SLC35F1: variants seen among roughly 807,000 people sequenced by gnomAD.
SLC35F1 encodes the protein chromosome 6 open reading frame 169.
In SLC35F1, 14 loss-of-function variants were observed where a neutral mutation model predicts 48.7. The observed-to-expected ratio is 0.29, with a 90% confidence interval of 0.19 to 0.45. The LOEUF (loss-of-function observed/expected upper bound fraction) is 0.45, where lower values mean the gene tolerates loss of function less well. Among genes scored for constraint, SLC35F1 ranks in the 20% least tolerant of loss-of-function variants. SLC35F1 has a pLI of 1.00. For missense variants in SLC35F1, 404 were observed against 500.0 expected, an observed-to-expected ratio of 0.81 and a Z score of 1.83; for synonymous variants, 190 against 202.2, an observed-to-expected ratio of 0.94 and a Z score of 0.51.
chr6:117,909,485 C>G (rs1775737311), intron 1 of SLC35F1, among the ~76,000 whole-genome samples: 1 of 151,884 alleles, frequency 6.6e-6, no homozygotes, highest in African/African-American at 2.4e-5. Flanking sequence ...ATCATAGAGC[C>G]CAGAAAAACA....
At chr6:118,216,817 C>T (rs1359162166) in intron 2 of SLC35F1, among the ~76,000 whole-genome samples, 1 of 152,110 alleles carries the variant, frequency 6.6e-6, no homozygotes, top group Non-Finnish European at 1.5e-5. Context: ...GGATATATTA[C>T]AGAACTTCAG....
intron 1 of SLC35F1, chr6:117,999,568 GAA>G (rs35917912): frequency 4.7e-3 from 1,991 of 427,030 alleles, no homozygotes; most frequent in South Asian, 0.013. Context: ...CCTGAGGCAG[GAA>G]AAAAAAAAAA....
At chr6:117,983,676 T>C (rs1399172100) in intron 1 of SLC35F1, among the ~76,000 whole-genome samples, 1 of 152,244 alleles carries the variant, frequency 6.6e-6, no homozygotes, top group Non-Finnish European at 1.5e-5. Context: ...CACAGAACTT[T>C]CCTCATTCTG....
At chr6:117,950,650 C>G (rs780631291) in intron 1 of SLC35F1, among the ~76,000 whole-genome samples, 1 of 152,140 alleles carries the variant, frequency 6.6e-6, no homozygotes, top group Non-Finnish European at 1.5e-5. Context: ...TCTTGGCACA[C>G]ATAGCCACAG....
intron 1 of SLC35F1, among the ~76,000 whole-genome samples, chr6:118,133,983 T>C (rs1402009101): frequency 3.3e-5 from 5 of 152,242 alleles, no homozygotes; most frequent in Non-Finnish European, 7.3e-5. Context: ...TACCTTGCTT[T>C]CTCAGACCAT....
chr6:118,135,240 C>G (rs764239611), intron 1 of SLC35F1, among the ~76,000 whole-genome samples: 1 of 152,170 alleles, frequency 6.6e-6, no homozygotes, highest in Non-Finnish European at 1.5e-5. Flanking sequence ...TCAATTTTGC[C>G]TCTTATTTGT....
chr6:118,014,319 G>T (rs1777291463), intron 1 of SLC35F1, among the ~76,000 whole-genome samples: 2 of 152,284 alleles, frequency 1.3e-5, no homozygotes, highest in African/African-American at 4.8e-5. Context: ...CTCTTCATGG[G>T]TTGGAGGCAT....
intron 1 of SLC35F1, among the ~76,000 whole-genome samples, chr6:117,946,254 T>A (rs1046483744): frequency 1.3e-5 from 2 of 152,184 alleles, no homozygotes; most frequent in Non-Finnish European, 2.9e-5. Flanking sequence ...CCCAAAAATA[T>A]GGATTTAAAA....
intron 1 of SLC35F1, among the ~76,000 whole-genome samples, chr6:117,973,367 G>A (rs1776667410): frequency 6.6e-6 from 1 of 152,014 alleles, no homozygotes; most frequent in Admixed American, 6.6e-5. Context: ...TGGATTTGGG[G>A]TTGTAAGGGG....
At chr6:117,936,895 C>T (rs1234299627) in intron 1 of SLC35F1, among the ~76,000 whole-genome samples, 1 of 152,110 alleles carries the variant, frequency 6.6e-6, no homozygotes, top group Non-Finnish European at 1.5e-5. Context: ...ATTATTGTTA[C>T]TGTTTTACTT....
intron 2 of SLC35F1, among the ~76,000 whole-genome samples, chr6:118,168,100 A>G (rs1774345478): frequency 6.6e-6 from 1 of 152,122 alleles, no homozygotes; most frequent in Non-Finnish European, 1.5e-5. Flanking sequence ...TTGCATTAAG[A>G]AGAGCAGCTT....
At chr6:118,204,206 A>G (rs553965296) in intron 2 of SLC35F1, among the ~76,000 whole-genome samples, 80 of 152,022 alleles carry the variant, frequency 5.3e-4, no homozygotes, top group African/African-American at 1.9e-3. Context: ...TAGTGGACAC[A>G]AAGGAAAGGG....
At chr6:118,252,999 T>G (rs551385798) in intron 3 of SLC35F1, among the ~76,000 whole-genome samples, 12 of 152,224 alleles carry the variant, frequency 7.9e-5, no homozygotes, top group South Asian at 6.2e-4. Flanking sequence ...GTGGGGATTT[T>G]GGGCACATTC....
chr6:118,007,405 G>C (rs539380021), intron 1 of SLC35F1, among the ~76,000 whole-genome samples: 7 of 152,110 alleles, frequency 4.6e-5, no homozygotes, highest in Non-Finnish European at 8.8e-5. Context: ...ACTATGTGCC[G>C]GACATTGTGC....
At chr6:118,222,264 A>G (rs146670399) in intron 2 of SLC35F1, among the ~76,000 whole-genome samples, 234 of 152,306 alleles carry the variant, frequency 1.5e-3, no homozygotes, top group Non-Finnish European at 2.6e-3. Context: ...CCAAACTTTG[A>G]GTATCCAGCT....
chr6:118,170,235 T>C (rs899888838), intron 2 of SLC35F1, among the ~76,000 whole-genome samples: 2 of 152,212 alleles, frequency 1.3e-5, no homozygotes, highest in African/African-American at 4.8e-5. Context: ...AGAGTTAAAA[T>C]AAATGGAAAG....
chr6:118,263,035 T>C (rs927201237), intron 3 of SLC35F1, among the ~76,000 whole-genome samples: 6 of 152,274 alleles, frequency 3.9e-5, no homozygotes, highest in African/African-American at 1.4e-4. Context: ...CCTCCATGTC[T>C]CTATCTTTTT....
rs543628326 is a variant in SLC35F1, at chr6:117,945,602, T to G, written c.173+37703T>G. Reference sequence around the variant, plus strand: ...TTTAAAATGATCACTGCTTAAAAGTTAGTAGCAGCATTCTTTTCCCGATTC... The same window carrying G: ...TTTAAAATGATCACTGCTTAAAAGTGAGTAGCAGCATTCTTTTCCCGATTC... On this transcript the variant is annotated intron_variant, in intron 1 of 7. Coordinates refer to ENST00000360388, the MANE Select transcript of SLC35F1 (RefSeq NM_001029858.4). Among the ~76,000 whole-genome samples, 3 of 152,326 alleles carry G rather than the reference T, an allele frequency of 2.0e-5. No individual in the cohort carries two copies. The South Asian group carries it at 6.2e-4, about 32-fold the overall frequency.
chr6:117,930,074 A>G (rs939329571), intron 1 of SLC35F1, among the ~76,000 whole-genome samples: 1 of 152,200 alleles, frequency 6.6e-6, no homozygotes, highest in Non-Finnish European at 1.5e-5. Context: ...GCTTGAACCT[A>G]TTTGGATCCG....
Sources: gnomAD v4.1 joint callset for allele counts (sites outside exome capture counted in the v4.1 genomes callset) on GRCh38, gnomAD v4.1.1 for gene constraint, MANE v1.5 for transcripts, NCBI Gene and HGNC (gene_info 2026-07-23, HGNC 2026-07-21) for gene names.